DIS3L: variants seen among roughly 807,000 people sequenced by gnomAD.
The protein encoded by DIS3L is DIS3-like exonuclease 1.
In DIS3L, 100 loss-of-function variants were observed where a neutral mutation model predicts 120.3. The ratio of observed to expected loss-of-function variants is 0.83; its 90% confidence interval spans 0.71 to 0.98. The LOEUF (loss-of-function observed/expected upper bound fraction) is 0.98, where lower values mean the gene tolerates loss of function less well. Ranked by LOEUF, DIS3L falls within the 50% of genes least tolerant of loss-of-function variation. The pLI is 0.00. For synonymous variants in DIS3L, 426 were observed against 470.6 expected, an observed-to-expected ratio of 0.91 and a Z score of 1.23; for missense variants, 1,196 against 1,314.2, an observed-to-expected ratio of 0.91 and a Z score of 1.39.
chr15:66,314,236 A>G (rs1180316627), intron 6 of DIS3L, 119 bp downstream of exon 6: 6 of 712,726 alleles, frequency 8.4e-6, no homozygotes, highest in East Asian at 3.5e-5. Context: ...GCCTACATAC[A>G]TTGGGTATGT....
intron 2 of DIS3L, among the ~76,000 whole-genome samples, chr15:66,305,191 G>T (rs1249317065): frequency 6.6e-6 from 1 of 151,204 alleles, no homozygotes; most frequent in Non-Finnish European, 1.5e-5. Flanking sequence ...TAGTAGAGAC[G>T]GGGTTTCACT....
chr15:66,303,914 C>T (rs1428554165), intron 2 of DIS3L, among the ~76,000 whole-genome samples: 2 of 150,066 alleles, frequency 1.3e-5, no homozygotes, highest in Non-Finnish European at 3.0e-5. Context: ...ACACGGTGAA[C>T]CCCGTCGCTA....
At chr15:66,296,672 C>A (rs533962897) in intron 2 of DIS3L, among the ~76,000 whole-genome samples, 5 of 152,030 alleles carry the variant, frequency 3.3e-5, no homozygotes, top group Admixed American at 6.6e-5. Context: ...TACAGGTGCA[C>A]GCCACCACGC....
chr15:66,331,785 C>A, intron 14 of DIS3L, 90 bp from the exon 15 acceptor site: 1 of 1,342,672 alleles, frequency 7.4e-7, no homozygotes, highest in African/African-American at 1.5e-5. Context: ...AATAGTTTTA[C>A]AGAATCTCAC....
intron 2 of DIS3L, among the ~76,000 whole-genome samples, chr15:66,304,669 G>A (rs953160090): frequency 6.6e-6 from 1 of 152,058 alleles, no homozygotes; most frequent in African/African-American, 2.4e-5. Flanking sequence ...GGGAGGCCGA[G>A]GCGGGTGGAT....
At position 66,329,077 on chromosome 15, in the gene DIS3L, T is replaced by C. The variant is rs1284539039; in HGVS notation, c.2309T>C (p.Leu770Pro). The C allele has an allele frequency of 1.2e-6, 2 of 1,614,100 alleles. No individual in the cohort carries two copies. The highest frequency in any genetic ancestry group is 1.7e-6 in the Non-Finnish European group (2 of 1,180,040). ...GCCACGCAGGCCATGTCGAATGCTC[T>C]GTACTTCTCCACCGGATCCTGTGCG... ...SMATQAMSNA[L>P]YFSTGSCAEE... is the part of the protein sequence containing the mutation. Residue 770 changes from leucine to proline, a missense_variant, in exon 13 of 17, where the codon CTG becomes CCG. Coordinates refer to ENST00000319212, the MANE Select transcript of DIS3L (RefSeq NM_001143688.3).
chr15:66,304,055 A>T (rs1391607750), intron 2 of DIS3L, among the ~76,000 whole-genome samples: 2 of 132,550 alleles, frequency 1.5e-5, no homozygotes, highest in East Asian at 4.6e-4. Context: ...GTGCCACTGC[A>T]CTCCAGCCTG....
chr15:66,308,974 G>T, intron 4 of DIS3L, 130 bp downstream of exon 4: 1 of 964,136 alleles, frequency 1.0e-6, no homozygotes, highest in South Asian at 2.4e-5. Flanking sequence ...GCCAGGCGTG[G>T]TGGCTCATGC....
intron 1 of DIS3L, chr15:66,293,988 C>G: frequency 2.0e-6 from 2 of 991,442 alleles, no homozygotes; most frequent in Non-Finnish European, 2.4e-6. Context: ...CCGACAGACC[C>G]GCACCCCATG....
chr15:66,315,115 G>T lies in DIS3L; in HGVS notation c.894G>T (p.Leu298=), dbSNP rs751070843. Residue 298 remains leucine (L), a synonymous_variant, in exon 7 of 17, where the codon CTG becomes CTT. Transcript: ENST00000319212. ...SIHGDVVVVE[L]LPKNEWKGRT... ...ATGGAGATGTGGTAGTTGTGGAGCT[G>T]CTTCCTAAAAATGAATGGAAAGGAA... 19 of 1,613,940 alleles carry T rather than the reference G, an allele frequency of 1.2e-5. No individual in the cohort carries two copies. The highest frequency in any genetic ancestry group is 6.7e-5 in the Admixed American group (4 of 59,980).
At chr15:66,308,236 GT>G (rs2092720623) in intron 3 of DIS3L, among the ~76,000 whole-genome samples, 2 of 152,144 alleles carry the variant, frequency 1.3e-5, no homozygotes, top group African/African-American at 4.8e-5. Context: ...CTGTTTCCCA[GT>G]TCCGGTTCTT....
chr15:66,303,485 A>G (rs2140331546), intron 2 of DIS3L, among the ~76,000 whole-genome samples: 1 of 152,328 alleles, frequency 6.6e-6, no homozygotes, highest in South Asian at 2.1e-4. Context: ...GACCTGGCAC[A>G]TAGAAGCAAA....
At chr15:66,312,800 C>T (rs1434148272) in intron 5 of DIS3L, among the ~76,000 whole-genome samples, 1 of 152,094 alleles carries the variant, frequency 6.6e-6, no homozygotes, top group Non-Finnish European at 1.5e-5. Flanking sequence ...ATTGTTCTAT[C>T]GTGGATTTTG....
intron 11 of DIS3L, 133 bp from the exon 12 acceptor site, chr15:66,325,698 C>T (rs2092928122): frequency 2.0e-6 from 2 of 1,013,204 alleles, no homozygotes; most frequent in Admixed American, 4.9e-5. Flanking sequence ...GAGATTGAGG[C>T]AGCAGTGAGC....
At chr15:66,296,933 G>A (rs1595710768) in intron 2 of DIS3L, among the ~76,000 whole-genome samples, 3 of 152,166 alleles carry the variant, frequency 2.0e-5, no homozygotes, top group Admixed American at 2.0e-4. Context: ...ATAATTTAAC[G>A]TGGACTATGC....
At chr15:66,309,942 T>G (rs1314055004) in intron 4 of DIS3L, among the ~76,000 whole-genome samples, 1 of 152,176 alleles carries the variant, frequency 6.6e-6, no homozygotes, top group East Asian at 1.9e-4. Flanking sequence ...CAGTGACTGT[T>G]TCTTTGGGCT....
In DIS3L at chr15:66,303,982, C is replaced by T. The variant is rs1001283502; in HGVS notation, c.294-2842C>T. On this transcript the variant is annotated intron_variant, in intron 2 of 16. Transcript: ENST00000319212. ...GTGGGCATCTGCAGTCCCAGCTACT[C>T]GGGAGGCTGAGGCAGGAGAATGGCG... 6.7e-5 allele frequency among the ~76,000 whole-genome samples: 10 copies of T among 148,932 alleles called. No homozygotes were observed. In the Admixed American group the frequency reaches 6.8e-4, roughly 10 times the overall value.
chr15:66,323,041 G>T, intron 10 of DIS3L, 107 bp downstream of exon 10: 1 of 1,424,474 alleles, frequency 7.0e-7, no homozygotes, highest in Admixed American at 2.4e-5. Context: ...CAATTTTGAA[G>T]GTCCCTTCCA....
intron 14 of DIS3L, chr15:66,329,997 A>G (rs541340732): frequency 1.0e-6 from 1 of 985,156 alleles, no homozygotes; most frequent in African/African-American, 1.7e-5. Flanking sequence ...AGACACTGCT[A>G]ACATTTTTAT....
Sources: gnomAD v4.1 joint callset for allele counts (sites outside exome capture counted in the v4.1 genomes callset) on GRCh38, gnomAD v4.1.1 for gene constraint, MANE v1.5 for transcripts, NCBI Gene and HGNC (gene_info 2026-07-23, HGNC 2026-07-21) for gene names.